Variants in NRXN1 observed in about 807,000 individuals in gnomAD.
NRXN1 encodes the protein neurexin 1, also known as neurexin-1.
In NRXN1, 39 loss-of-function variants were observed where a neutral mutation model predicts 150.9. That is an observed-to-expected ratio of 0.26 (90% confidence interval 0.20 to 0.34). The LOEUF (loss-of-function observed/expected upper bound fraction) is 0.34, where lower values mean the gene tolerates loss of function less well. NRXN1 is among the 10% of genes least tolerant of loss of function. The pLI, the probability that NRXN1 is intolerant of heterozygous loss-of-function variation, is 1.00. For missense variants in NRXN1, 1,815 were observed against 1,949.9 expected, an observed-to-expected ratio of 0.93 and a Z score of 1.30; for synonymous variants, 924 against 757.0, an observed-to-expected ratio of 1.22 and a Z score of -3.62.
At chr2:50,727,432 T>C (rs529508278) in intron 5 of NRXN1, among the ~76,000 whole-genome samples, 2 of 101,120 alleles carry the variant, frequency 2.0e-5, no homozygotes, top group African/African-American at 9.3e-5. Flanking sequence ...TCAACAGTTA[T>C]AAAATGCATC....
intron 5 of NRXN1, among the ~76,000 whole-genome samples, chr2:50,658,411 G>GGTGGGTGTGTGTGTGTGTGT (rs1553935214): frequency 6.9e-6 from 1 of 144,682 alleles, no homozygotes; most frequent in Non-Finnish European, 1.5e-5. Flanking sequence ...TGCATTCACT[G>GGTGGGTGTGTGTGTGTGTGT]GTGTGTGTGT....
At chr2:50,817,385 C>T (rs1330299383) in intron 5 of NRXN1, among the ~76,000 whole-genome samples, 1 of 151,666 alleles carries the variant, frequency 6.6e-6, no homozygotes, top group Admixed American at 6.6e-5. Context: ...AAAAGAAAAG[C>T]CCAGATGAGA....
At chr2:50,681,046 T>C (rs1690307292) in intron 5 of NRXN1, among the ~76,000 whole-genome samples, 1 of 152,188 alleles carries the variant, frequency 6.6e-6, no homozygotes, top group Non-Finnish European at 1.5e-5. Context: ...CTGCCTACTG[T>C]AACCTCAAGG....
At chr2:50,475,440 T>C (rs2089910845) in intron 15 of NRXN1, among the ~76,000 whole-genome samples, 2 of 152,134 alleles carry the variant, frequency 1.3e-5, no homozygotes, top group South Asian at 4.1e-4. Flanking sequence ...AGAGTGCTAA[T>C]TCTAAAATGC....
intron 5 of NRXN1, among the ~76,000 whole-genome samples, chr2:50,706,897 AT>A (rs1384181726): frequency 7.2e-5 from 11 of 151,948 alleles, no homozygotes; most frequent in African/African-American, 2.4e-4. Flanking sequence ...ATTGTTTAAC[AT>A]AAAGCCTTCT....
intron 8 of NRXN1, among the ~76,000 whole-genome samples, chr2:50,596,839 A>G (rs1544821): frequency 0.61 from 89,145 of 146,604 alleles, 27,265 homozygotes; most frequent in East Asian, 0.73. Context: ...GGTGCCTATG[A>G]GGAACGTGGG....
intron 5 of NRXN1, among the ~76,000 whole-genome samples, chr2:50,740,040 A>G (rs961879861): frequency 1.3e-4 from 20 of 152,258 alleles, no homozygotes; most frequent in Admixed American, 6.6e-4. Context: ...GATGCTTTGT[A>G]TATTTCTCAG....
At chr2:50,992,508 T>C (rs1558549422) in intron 2 of NRXN1, among the ~76,000 whole-genome samples, 1 of 143,636 alleles carries the variant, frequency 7.0e-6, no homozygotes, top group Non-Finnish European at 1.6e-5. Flanking sequence ...AAAATAGGTT[T>C]AGTGCTTATA....
chr2:50,098,853 T>C (rs1446348829), intron 18 of NRXN1, among the ~76,000 whole-genome samples: 22 of 30,000 alleles, frequency 7.3e-4, no homozygotes, highest in Non-Finnish European at 1.4e-3. Context: ...TTTTTTTTTT[T>C]TTTTTTTTTT....
At chr2:50,613,011 T>G (rs1241514540) in intron 8 of NRXN1, among the ~76,000 whole-genome samples, 1 of 152,200 alleles carries the variant, frequency 6.6e-6, no homozygotes, top group Non-Finnish European at 1.5e-5. Flanking sequence ...TAGAAGAAAC[T>G]AGGCTGGGCC....
intron 5 of NRXN1, among the ~76,000 whole-genome samples, chr2:50,794,406 G>T (rs1172580520): frequency 6.6e-6 from 1 of 152,064 alleles, no homozygotes; most frequent in Non-Finnish European, 1.5e-5. Flanking sequence ...GAAACATTCT[G>T]CAGTGTTTAT....
chr2:50,131,999 GT>G (rs1259485494), intron 18 of NRXN1, among the ~76,000 whole-genome samples: 3 of 152,160 alleles, frequency 2.0e-5, no homozygotes, highest in Non-Finnish European at 4.4e-5. Context: ...TGTGAGCAGT[GT>G]TGATACACAC....
At chr2:50,106,993 G>A (rs551265180) in intron 18 of NRXN1, among the ~76,000 whole-genome samples, 5 of 151,934 alleles carry the variant, frequency 3.3e-5, no homozygotes, top group South Asian at 4.1e-4. Context: ...GAAGATATAC[G>A]GTTAATGCAT....
Position 49,918,641 on chromosome 2 carries a change from A to G in NRXN1, c.*3303T>C, listed in dbSNP as rs1280884935. 1 of 152,134 alleles carries G rather than the reference A, an allele frequency of 6.6e-6. No individual in the cohort carries two copies. The highest frequency in any genetic ancestry group is 1.5e-5 in the Non-Finnish European group (1 of 67,982). 9.4% of individuals were successfully genotyped at this position (152,134 alleles called of 1,614,324 possible). ...ACTGTATGAGTTTATGGTTTCTGGCATATCAAGATGAACAAATATAACAAA... is the reference window on the plus strand; with the variant it reads ...ACTGTATGAGTTTATGGTTTCTGGCGTATCAAGATGAACAAATATAACAAA... On this transcript the variant is annotated 3_prime_UTR_variant, in exon 23 of 23. Coordinates refer to ENST00000401669, the MANE Select transcript of NRXN1 (RefSeq NM_001330078.2).
In NRXN1 at chr2:50,875,577, T is replaced by C. The variant is rs146141443; in HGVS notation, c.832+46292A>G. 7.3e-3 allele frequency among the ~76,000 whole-genome samples: 1,104 copies of C among 151,950 alleles called. 9 individuals carry two copies. The highest frequency in any genetic ancestry group is 0.017 in the Middle Eastern group (5 of 294). On this transcript the variant is annotated intron_variant, in intron 5 of 22. Coordinates refer to ENST00000401669, the MANE Select transcript of NRXN1 (RefSeq NM_001330078.2). Reference sequence around the variant, plus strand: ...CTCTTGGGAAACAAGATAAGATTTCTACCTCATGCCTAACCAATTACAATA... The same window carrying C: ...CTCTTGGGAAACAAGATAAGATTTCCACCTCATGCCTAACCAATTACAATA...
At chr2:50,182,322 C>A (rs1437111477) in intron 18 of NRXN1, among the ~76,000 whole-genome samples, 1 of 151,828 alleles carries the variant, frequency 6.6e-6, no homozygotes. Flanking sequence ...TCTTCTAGAT[C>A]AAAAAATGTA....
intron 17 of NRXN1, among the ~76,000 whole-genome samples, chr2:50,374,023 G>T (rs1370192990): frequency 6.6e-6 from 1 of 151,926 alleles, no homozygotes; most frequent in Non-Finnish European, 1.5e-5. Flanking sequence ...ATGGAGGCTG[G>T]GTGTGGGCTC....
intron 21 of NRXN1, among the ~76,000 whole-genome samples, chr2:49,957,602 A>G (rs1252428220): frequency 1.3e-5 from 2 of 152,198 alleles, no homozygotes; most frequent in Non-Finnish European, 2.9e-5. Context: ...AAGCACCTCA[A>G]AAAATCACAT....
At chr2:50,315,739 G>T (rs140124240) in intron 17 of NRXN1, among the ~76,000 whole-genome samples, 1 of 152,172 alleles carries the variant, frequency 6.6e-6, no homozygotes, top group African/African-American at 2.4e-5. Context: ...TTATTAAAAG[G>T]CACATTATCA....
Sources: allele counts gnomAD v4.1 joint callset (sites outside exome capture counted in the v4.1 genomes callset), GRCh38; gene constraint gnomAD v4.1.1; transcripts MANE v1.5; gene names NCBI Gene and HGNC (gene_info 2026-07-23, HGNC 2026-07-21).